Variants in STK24 observed in about 807,000 individuals in gnomAD.
STK24 encodes serine/threonine kinase 24.
STK24 carries 21 observed loss-of-function variants against 55.6 expected under a neutral mutation model. The observed-to-expected ratio is 0.38, with a 90% CI of 0.27 to 0.54. The LOEUF (loss-of-function observed/expected upper bound fraction) is 0.54, where lower values mean the gene tolerates loss of function less well. Ranked by LOEUF, STK24 falls within the 20% of genes least tolerant of loss-of-function variation. The probability of loss-of-function intolerance (pLI) is 0.79; values close to 1 mark genes in which losing one functional copy is unlikely to be tolerated. For missense variants in STK24, 383 were observed against 538.4 expected, an observed-to-expected ratio of 0.71 and a Z score of 2.86; for synonymous variants, 200 against 215.2, an observed-to-expected ratio of 0.93 and a Z score of 0.62.
At chr13:98,555,919 T>G (rs554927350) in intron 1 of STK24, among the ~76,000 whole-genome samples, 2 of 151,562 alleles carry the variant, frequency 1.3e-5, no homozygotes. Context: ...CCTGACCTTG[T>G]GATCCACCCG....
intron 1 of STK24, among the ~76,000 whole-genome samples, chr13:98,564,048 G>C (rs9556974): frequency 0.27 from 40,958 of 151,926 alleles, 6,491 homozygotes; most frequent in East Asian, 0.42. Context: ...TAAAATAAAT[G>C]GGGGGGAGAG....
chr13:98,460,303 C>T (rs546628994), intron 9 of STK24, 69 bp downstream of exon 9: 255 of 1,411,826 alleles, frequency 1.8e-4, no homozygotes, highest in Middle Eastern at 3.5e-4. Context: ...GGCAACATCA[C>T]CACTGAAGTG....
chr13:98,575,432 T>G (rs866829702), intron 1 of STK24, among the ~76,000 whole-genome samples: 1 of 139,704 alleles, frequency 7.2e-6, no homozygotes, highest in African/African-American at 2.6e-5. Flanking sequence ...CACACACATA[T>G]ACACACACAC....
At chr13:98,476,240 G>GCCCCCCCCCCCC (rs138129188) in intron 3 of STK24, among the ~76,000 whole-genome samples, 8 of 141,594 alleles carry the variant, frequency 5.6e-5, no homozygotes, top group Admixed American at 1.4e-4. Flanking sequence ...CAGACGGGAA[G>GCCCCCCCCCCCC]CCCCCCCCCG....
At chr13:98,525,455 C>A (rs1262756188) in intron 1 of STK24, among the ~76,000 whole-genome samples, 1 of 152,202 alleles carries the variant, frequency 6.6e-6, no homozygotes, top group Non-Finnish European at 1.5e-5. Context: ...CCCCAACATT[C>A]CCCTCCAAAG....
At chr13:98,542,186 A>C (rs1269641390) in intron 1 of STK24, among the ~76,000 whole-genome samples, 1 of 152,200 alleles carries the variant, frequency 6.6e-6, no homozygotes, top group Non-Finnish European at 1.5e-5. Context: ...CTTTCTTGAC[A>C]TCACACTCCA....
chr13:98,530,591 A>G (rs561373620), intron 1 of STK24, among the ~76,000 whole-genome samples: 1 of 152,280 alleles, frequency 6.6e-6, no homozygotes, highest in African/African-American at 2.4e-5. Context: ...CAGGTCCATC[A>G]CTGTCTCCGG....
At chr13:98,459,557 G>A (rs568351291) in intron 9 of STK24, among the ~76,000 whole-genome samples, 213 of 152,344 alleles carry the variant, frequency 1.4e-3, no homozygotes, top group African/African-American at 4.5e-3. Context: ...GGGGTCCCCC[G>A]CTGCGTGACG....
In STK24 at chr13:98,566,044, G is replaced by A. The variant is rs1310296248; in HGVS notation, c.42+10701C>T. ...GCTACCTCCTCTCACGCAGACAACCGCCACCAAGAAGGCCCAGCCCCTCCG... is the reference window on the plus strand; with the variant it reads ...GCTACCTCCTCTCACGCAGACAACCACCACCAAGAAGGCCCAGCCCCTCCG... On this transcript the variant is annotated intron_variant, in intron 1 of 10. Transcript: ENST00000539966. 1.2e-4 allele frequency among the ~76,000 whole-genome samples: 18 copies of A among 152,088 alleles called. 1 individual carries two copies. The highest frequency in any genetic ancestry group is 3.2e-3 in the Middle Eastern group (1 of 316).
chr13:98,456,692 T>C, intron 10 of STK24: 1 of 378,294 alleles, frequency 2.6e-6, no homozygotes, highest in South Asian at 2.0e-5. Flanking sequence ...GATGAACCCC[T>C]ACCAAGGAGG....
intron 1 of STK24, among the ~76,000 whole-genome samples, chr13:98,567,948 G>C (rs1475865486): frequency 2.0e-5 from 3 of 149,800 alleles, no homozygotes; most frequent in African/African-American, 7.4e-5. Flanking sequence ...AAAAAAGGGG[G>C]GGGGTGGGGA....
intron 2 of STK24, among the ~76,000 whole-genome samples, chr13:98,510,477 C>T (rs193014268): frequency 3.3e-5 from 5 of 152,276 alleles, no homozygotes; most frequent in East Asian, 1.9e-4. Context: ...AACTTGTACA[C>T]GAATGTTCAT....
chr13:98,460,342 C>G (rs1241071814), intron 9 of STK24, 30 bp downstream of exon 9: 1 of 1,598,934 alleles, frequency 6.3e-7, no homozygotes, highest in Non-Finnish European at 8.6e-7. Flanking sequence ...CCCTCCCCTC[C>G]CACTCCGAAA....
chr13:98,460,973 A>G (rs2139253176), intron 8 of STK24, among the ~76,000 whole-genome samples: 1 of 151,958 alleles, frequency 6.6e-6, no homozygotes, highest in African/African-American at 2.4e-5. Flanking sequence ...ACTTGAGCCC[A>G]GGAGTTTGAG....
At chr13:98,470,743 T>G (rs1311865945) in intron 5 of STK24, among the ~76,000 whole-genome samples, 4 of 152,226 alleles carry the variant, frequency 2.6e-5, no homozygotes, top group Non-Finnish European at 4.4e-5. Context: ...GCATCCTACA[T>G]CTTCACAATA....
At chr13:98,546,511 ACTTC>A (rs1897032243) in intron 1 of STK24, among the ~76,000 whole-genome samples, 1 of 152,170 alleles carries the variant, frequency 6.6e-6, no homozygotes, top group Admixed American at 6.5e-5. Context: ...GTGAACAGGG[ACTTC>A]CTTCAGTCCC....
intron 3 of STK24, among the ~76,000 whole-genome samples, chr13:98,481,524 C>T (rs1038027929): frequency 2.0e-5 from 3 of 152,206 alleles, no homozygotes; most frequent in Non-Finnish European, 1.5e-5. Context: ...ATAATCACAC[C>T]CTGCCCCTTA....
At chr13:98,453,250 T>G in intron 10 of STK24, 41 bp from the exon 11 acceptor site, 1 of 1,594,266 alleles carries the variant, frequency 6.3e-7, no homozygotes, top group Non-Finnish European at 8.5e-7. Context: ...ACATGTCATT[T>G]CTCATCCCTG....
At chr13:98,559,258 C>T (rs1897353754) in intron 1 of STK24, among the ~76,000 whole-genome samples, 1 of 152,116 alleles carries the variant, frequency 6.6e-6, no homozygotes, top group African/African-American at 2.4e-5. Context: ...ATTGTAGCTC[C>T]CATAATCCCT....
Sources: allele counts gnomAD v4.1 joint callset (sites outside exome capture counted in the v4.1 genomes callset), GRCh38; gene constraint gnomAD v4.1.1; transcripts MANE v1.5; gene names NCBI Gene and HGNC (gene_info 2026-07-23, HGNC 2026-07-21).